CCDC57: variants seen among roughly 807,000 people sequenced by gnomAD.
The protein encoded by CCDC57 is coiled-coil domain containing 57.
In CCDC57, 118 loss-of-function variants were observed where a neutral mutation model predicts 118.9. The observed-to-expected ratio is 0.99, with a 90% CI of 0.86 to 1.16. CCDC57 has a LOEUF of 1.16. Among genes scored for constraint, CCDC57 ranks in the 50% most tolerant of loss-of-function variants. CCDC57 has a pLI of 0.00. For synonymous variants in CCDC57, 527 were observed against 532.9 expected (o/e 0.99, Z 0.15); for missense variants, 1,300 against 1,320.7 (o/e 0.98, Z 0.24).
At chr17:82,106,751 G>A (rs1027919275) in intron 19 of CCDC57, among the ~76,000 whole-genome samples, 1 of 152,238 alleles carries the variant, frequency 6.6e-6, no homozygotes, top group South Asian at 2.1e-4. Context: ...CTGGGCTGGT[G>A]TTTAGACGAC....
chr17:82,158,539 T>A (rs1268486929), intron 14 of CCDC57, among the ~76,000 whole-genome samples: 1 of 151,616 alleles, frequency 6.6e-6, no homozygotes, highest in Non-Finnish European at 1.5e-5. Context: ...ATAAAAAAAA[T>A]TAGCCGGGCA....
At position 82,171,568 on chromosome 17, in the gene CCDC57, T is replaced by C. The variant is rs570331024; in HGVS notation, c.1882+133A>G. ...GGGCTCTGGAGGGAGCACAAGGGGC[T>C]GCTGGGCTGGATGACGCCGCCCCAA... On this transcript the variant is annotated intron_variant, in intron 13 of 19. Transcript: ENST00000665763. 70 of 886,988 alleles carry C rather than the reference T, an allele frequency of 7.9e-5. No homozygotes were observed. The African/African-American group carries it at 1.1e-3, about 14-fold the overall frequency. 54.9% of individuals were successfully genotyped at this position (886,988 alleles called of 1,614,324 possible).
In CCDC57 at chr17:82,201,518, C is replaced by T. The variant is rs767809811; in HGVS notation, c.407+20G>A. Reference sequence around the variant, plus strand: ...CTCTGCCAGGCACTGCACAGGAGGGCGCGTCGGTCGGTGGCTCACCTGTGG... The same window carrying T: ...CTCTGCCAGGCACTGCACAGGAGGGTGCGTCGGTCGGTGGCTCACCTGTGG... On this transcript the variant is annotated intron_variant, in intron 3 of 19. Coordinates refer to ENST00000665763, the Ensembl canonical transcript of CCDC57. The T allele has an allele frequency of 8.3e-6, 13 of 1,564,524 alleles. 1 individual carries two copies. Among genetic ancestry groups the T allele is most frequent in the East Asian group, 4.7e-5 (2 of 42,886 alleles).
At chr17:82,131,381 A>G (rs1349997579) in intron 17 of CCDC57, among the ~76,000 whole-genome samples, 1 of 151,860 alleles carries the variant, frequency 6.6e-6, no homozygotes, top group Non-Finnish European at 1.5e-5. Flanking sequence ...CAGTGAGTCA[A>G]GACCACACCA....
At chr17:82,104,204 G>C (rs1332516405) in intron 19 of CCDC57, among the ~76,000 whole-genome samples, 2 of 152,230 alleles carry the variant, frequency 1.3e-5, no homozygotes, top group African/African-American at 2.4e-5. Context: ...CTGTTTTGCC[G>C]AGCCTGGCCG....
At chr17:82,160,331 C>T (rs2043162409) in intron 14 of CCDC57, 1 of 47,638 alleles carries the variant, frequency 2.1e-5, no homozygotes, top group African/African-American at 7.1e-5. Context: ...AGTGAAAAGA[C>T]AGGCCAGGTG....
At chr17:82,143,483 GGCACA>G (rs200007589) in intron 16 of CCDC57, among the ~76,000 whole-genome samples, 70,911 of 151,422 alleles carry the variant, frequency 0.47, 17,341 homozygotes, top group East Asian at 0.88. Context: ...CACACACACA[GGCACA>G]CACACACACC....
chr17:82,198,887 G>C (rs968480906), intron 3 of CCDC57, among the ~76,000 whole-genome samples: 3 of 151,650 alleles, frequency 2.0e-5, no homozygotes, highest in African/African-American at 7.3e-5. Flanking sequence ...CAGCTACTCG[G>C]GAGGCTGAGG....
chr17:82,117,074 C>A (rs980889075), intron 19 of CCDC57, among the ~76,000 whole-genome samples: 3 of 152,214 alleles, frequency 2.0e-5, no homozygotes, highest in African/African-American at 4.8e-5. Context: ...GCGAATTGGG[C>A]CAGGTGCGAT....
chr17:82,134,649 CTGGGCGTGGTGG>C (rs905145476), intron 16 of CCDC57, among the ~76,000 whole-genome samples: 3 of 152,042 alleles, frequency 2.0e-5, no homozygotes, highest in African/African-American at 7.2e-5. Context: ...CAAAAATTAG[CTGGGCGTGGTGG>C]TGGGCACCTG....
At chr17:82,165,834 A>G (rs1349654872) in intron 13 of CCDC57, among the ~76,000 whole-genome samples, 2 of 152,204 alleles carry the variant, frequency 1.3e-5, no homozygotes, top group Non-Finnish European at 2.9e-5. Context: ...TAGCATCATC[A>G]AGGCTCTGGA....
chr17:82,182,646 G>T (rs113133191), intron 9 of CCDC57, among the ~76,000 whole-genome samples: 2 of 147,572 alleles, frequency 1.4e-5, no homozygotes, highest in African/African-American at 5.0e-5. Flanking sequence ...GAGCCACCGC[G>T]CCCGGCCCAC....
At chr17:82,149,866 A>C (rs185633041) in intron 16 of CCDC57, among the ~76,000 whole-genome samples, 117 of 84,688 alleles carry the variant, frequency 1.4e-3, no homozygotes, top group Middle Eastern at 8.5e-3. Flanking sequence ...CGGAACCAGG[A>C]GCACACCCAG....
intron 19 of CCDC57, among the ~76,000 whole-genome samples, chr17:82,120,002 G>A (rs954787091): frequency 5.3e-5 from 8 of 152,134 alleles, no homozygotes; most frequent in Non-Finnish European, 1.5e-5. Flanking sequence ...CTGAGGACAT[G>A]AGCAGGAGGG....
At chr17:82,152,630 C>A (rs1158712963) in intron 15 of CCDC57, among the ~76,000 whole-genome samples, 1 of 152,228 alleles carries the variant, frequency 6.6e-6, no homozygotes, top group Non-Finnish European at 1.5e-5. Flanking sequence ...GTGTCCAGGC[C>A]CTGGCAAGAC....
At chr17:82,103,715 G>T (rs1034166665) in intron 19 of CCDC57, among the ~76,000 whole-genome samples, 1 of 152,202 alleles carries the variant, frequency 6.6e-6, no homozygotes, top group Non-Finnish European at 1.5e-5. Flanking sequence ...CTGAGGGAGG[G>T]GGGTGAAGGG....
chr17:82,140,242 C>T (rs558085290), intron 16 of CCDC57, among the ~76,000 whole-genome samples: 2 of 152,178 alleles, frequency 1.3e-5, no homozygotes, highest in East Asian at 1.9e-4. Flanking sequence ...CCCGCCACCA[C>T]GCCCAGCTAA....
intron 16 of CCDC57, among the ~76,000 whole-genome samples, chr17:82,141,346 G>A (rs1390171838): frequency 1.3e-5 from 2 of 152,144 alleles, no homozygotes; most frequent in African/African-American, 4.8e-5. Flanking sequence ...ACCATGGCTG[G>A]CTAATTTTTG....
At chr17:82,117,743 C>CAACA (rs146575771) in intron 19 of CCDC57, among the ~76,000 whole-genome samples, 369 of 151,242 alleles carry the variant, frequency 2.4e-3, no homozygotes, top group African/African-American at 7.6e-3. Flanking sequence ...TCAGATTGGC[C>CAACA]AACAAACAAA....
Sources: allele counts gnomAD v4.1 joint callset (sites outside exome capture counted in the v4.1 genomes callset), GRCh38; gene constraint gnomAD v4.1.1; transcripts MANE v1.5; gene names NCBI Gene and HGNC (gene_info 2026-07-23, HGNC 2026-07-21).